SNX29: variants seen among roughly 807,000 people sequenced by gnomAD.
SNX29 encodes the protein sorting nexin-29.
SNX29 carries 78 observed loss-of-function variants against 102.1 expected under a neutral mutation model. The ratio of observed to expected loss-of-function variants is 0.76; its 90% CI spans 0.64 to 0.92. The LOEUF (loss-of-function observed/expected upper bound fraction) is 0.92. Ranked by LOEUF, SNX29 falls within the 40% of genes least tolerant of loss-of-function variation. The pLI is 0.00. For missense variants in SNX29, 1,280 were observed against 1,061.7 expected, an observed-to-expected ratio of 1.21 and a Z score of -2.86; for synonymous variants, 580 against 414.5, an observed-to-expected ratio of 1.40 and a Z score of -4.85.
intron 19 of SNX29, among the ~76,000 whole-genome samples, chr16:12,482,476 G>GT (rs1414179903): frequency 6.6e-6 from 1 of 151,942 alleles, no homozygotes; most frequent in Non-Finnish European, 1.5e-5. Context: ...TGATATTTCA[G>GT]TTTTTTGCAG....
At chr16:12,118,639 G>A (rs2053842239) in intron 11 of SNX29, among the ~76,000 whole-genome samples, 1 of 152,020 alleles carries the variant, frequency 6.6e-6, no homozygotes. Flanking sequence ...TTGATGCCTT[G>A]ATATGAAATG....
chr16:12,009,413 A>T (rs762489651), intron 3 of SNX29, among the ~76,000 whole-genome samples: 1 of 151,664 alleles, frequency 6.6e-6, no homozygotes, highest in Non-Finnish European at 1.5e-5. Flanking sequence ...AGAGATATAT[A>T]TATGTATACA....
chr16:12,062,718 T>C (rs997990938), intron 9 of SNX29, among the ~76,000 whole-genome samples: 2 of 152,156 alleles, frequency 1.3e-5, no homozygotes, highest in African/African-American at 2.4e-5. Flanking sequence ...TTTAGGAAAT[T>C]ATGACTGGAG....
At chr16:12,365,118 G>A (rs2082423000) in intron 16 of SNX29, among the ~76,000 whole-genome samples, 2 of 152,028 alleles carry the variant, frequency 1.3e-5, no homozygotes, top group Non-Finnish European at 2.9e-5. Context: ...GGACTCTTTT[G>A]TTCCATACCA....
chr16:12,015,684 C>T (rs1436104354), intron 3 of SNX29, among the ~76,000 whole-genome samples: 5 of 150,098 alleles, frequency 3.3e-5, no homozygotes, highest in Admixed American at 6.7e-5. Flanking sequence ...TACACGCGCC[C>T]GCCACCGTGC....
intron 14 of SNX29, among the ~76,000 whole-genome samples, chr16:12,273,440 C>T (rs1348386198): frequency 2.0e-5 from 3 of 150,884 alleles, no homozygotes; most frequent in African/African-American, 7.3e-5. Flanking sequence ...CTCACTGCAA[C>T]CTCTGCCTCC....
intron 20 of SNX29, among the ~76,000 whole-genome samples, chr16:12,555,478 C>G (rs557444798): frequency 6.6e-6 from 1 of 151,498 alleles, no homozygotes; most frequent in Non-Finnish European, 1.5e-5. Flanking sequence ...TGTCTGAGGA[C>G]GTCTTTCGTT....
intron 15 of SNX29, among the ~76,000 whole-genome samples, chr16:12,286,198 C>G (rs1209882251): frequency 1.3e-5 from 2 of 151,700 alleles, no homozygotes; most frequent in Admixed American, 1.3e-4. Flanking sequence ...CAGGCTCTTA[C>G]CTCATATAGT....
At chr16:12,567,657 G>T (rs571387137) in intron 20 of SNX29, among the ~76,000 whole-genome samples, 3 of 152,142 alleles carry the variant, frequency 2.0e-5, no homozygotes, top group Non-Finnish European at 4.4e-5. Flanking sequence ...AGCTGCTCAG[G>T]AGGCTGAGGT....
At chr16:12,026,469 G>A (rs1279838791) in intron 3 of SNX29, among the ~76,000 whole-genome samples, 2 of 152,186 alleles carry the variant, frequency 1.3e-5, no homozygotes, top group East Asian at 3.9e-4. Context: ...TTTGTTGTAT[G>A]AATGAATGGA....
In SNX29 at chr16:12,476,214, C is replaced by T. The variant is rs11648381; in HGVS notation, c.2038-1505C>T. 6.5e-4 allele frequency among the ~76,000 whole-genome samples: 96 copies of T among 148,438 alleles called. 1 individual carries two copies. The highest frequency in any genetic ancestry group is 2.2e-3 in the African/African-American group (88 of 40,456). On this transcript the variant is annotated intron_variant, in intron 18 of 20. Coordinates refer to ENST00000566228, the MANE Select transcript of SNX29 (RefSeq NM_032167.5). ...GTGGGCATCTGTAATCCCAGCTACT[C>T]GGGAGGCTGAGGCAGGAGAATCGCT...
At chr16:12,338,554 A>C (rs2081521268) in intron 15 of SNX29, among the ~76,000 whole-genome samples, 1 of 152,094 alleles carries the variant, frequency 6.6e-6, no homozygotes, top group Non-Finnish European at 1.5e-5. Flanking sequence ...TAAAGTTTCC[A>C]CTTGTAGATG....
chr16:12,508,667 C>G (rs1239910998), intron 19 of SNX29, among the ~76,000 whole-genome samples: 1 of 152,218 alleles, frequency 6.6e-6, no homozygotes, highest in Non-Finnish European at 1.5e-5. Flanking sequence ...CTGGTGCCCT[C>G]TGTTAAGCCT....
At chr16:12,442,388 C>G (rs1350683628) in intron 18 of SNX29, among the ~76,000 whole-genome samples, 1 of 152,158 alleles carries the variant, frequency 6.6e-6, no homozygotes, top group Non-Finnish European at 1.5e-5. Context: ...CTTCTTTTCT[C>G]TCTTCTTCCC....
intron 15 of SNX29, among the ~76,000 whole-genome samples, chr16:12,279,208 A>G (rs1207529619): frequency 2.0e-5 from 3 of 152,114 alleles, no homozygotes; most frequent in East Asian, 3.9e-4. Context: ...TCAAGAAGAC[A>G]CTCGCTCATT....
intron 17 of SNX29, among the ~76,000 whole-genome samples, chr16:12,401,932 G>C (rs994922176): frequency 1.3e-5 from 2 of 152,148 alleles, no homozygotes; most frequent in East Asian, 1.9e-4. Context: ...ACCCAGGCTG[G>C]GGTAACCTCG....
intron 14 of SNX29, among the ~76,000 whole-genome samples, chr16:12,229,364 T>C (rs2077705162): frequency 6.6e-6 from 1 of 152,224 alleles, no homozygotes; most frequent in Non-Finnish European, 1.5e-5. Flanking sequence ...ATTTTAGGCC[T>C]GGTCTGGATC....
Position 12,043,033 on chromosome 16 carries a change from G to A in SNX29, c.384G>A (p.Leu128=). The change falls in exon 5 of 21, where the codon CTG becomes CTA. Residue 128 remains leucine (L), a synonymous_variant. Transcript: ENST00000566228. ...WLRCALNEHS[L]ERYLHMLLAD... is the part of the protein sequence containing the mutation. ...GCTGTGCCCTCAACGAACACTCCCT[G>A]GAGCGCTACCTGCACATGCTCCTGG... 6.2e-7 allele frequency: 1 copy of A among 1,613,542 alleles called. No individual in the cohort carries two copies. Among genetic ancestry groups the A allele is most frequent in the Non-Finnish European group, 8.5e-7 (1 of 1,179,876 alleles).
chr16:12,523,108 C>T (rs1344139594), intron 19 of SNX29, among the ~76,000 whole-genome samples: 1 of 152,184 alleles, frequency 6.6e-6, no homozygotes, highest in African/African-American at 2.4e-5. Context: ...GCCACCACAC[C>T]TGGCCTGTGG....
Sources: gnomAD v4.1 joint callset for allele counts (sites outside exome capture counted in the v4.1 genomes callset) on GRCh38, gnomAD v4.1.1 for gene constraint, MANE v1.5 for transcripts, NCBI Gene and HGNC (gene_info 2026-07-23, HGNC 2026-07-21) for gene names.